Variants in RASSF5 observed in about 807,000 individuals in gnomAD.
RASSF5 encodes Ras association domain family member 5.
RASSF5 carries 25 observed loss-of-function variants against 40.5 expected under a neutral mutation model. The ratio of observed to expected loss-of-function variants is 0.62; its 90% CI spans 0.45 to 0.86. The LOEUF is 0.86. Among genes scored for constraint, RASSF5 ranks in the 40% least tolerant of loss-of-function variants. The probability of loss-of-function intolerance (pLI) is 0.00; values close to 1 mark genes in which losing one functional copy is unlikely to be tolerated. For missense variants in RASSF5, 521 were observed against 572.8 expected (o/e 0.91, Z 0.92); for synonymous variants, 246 against 252.4 (o/e 0.97, Z 0.24).
intron 2 of RASSF5, among the ~76,000 whole-genome samples, chr1:206,567,388 TG>T (rs1372604189): frequency 6.4e-4 from 97 of 152,260 alleles, no homozygotes; most frequent in African/African-American, 2.2e-3. Flanking sequence ...ATAAATCTTT[TG>T]TTTATTTTAC....
chr1:206,586,617 C>CCAA, intron 5 of RASSF5: 1 of 548,364 alleles, frequency 1.8e-6, no homozygotes, highest in Non-Finnish European at 3.3e-6. Context: ...AACTCTTGGT[C>CCAA]ATGAGATGCC....
At chr1:206,519,556 G>A (rs548545162) in intron 1 of RASSF5, among the ~76,000 whole-genome samples, 93 of 152,274 alleles carry the variant, frequency 6.1e-4, no homozygotes, top group Admixed American at 1.4e-3. Context: ...TCTGGAACCT[G>A]CTTCTCTTTA....
chr1:206,515,740 T>C (rs1156894874), intron 1 of RASSF5, among the ~76,000 whole-genome samples: 2 of 152,228 alleles, frequency 1.3e-5, no homozygotes. Context: ...TCATCTCTTA[T>C]TTGGGAACAG....
rs781980825 is a variant in RASSF5 at position 206,513,445 on chromosome 1, C to G, written c.457+5386C>G. Among the ~76,000 whole-genome samples, 4 of 152,230 alleles carry G rather than the reference C, an allele frequency of 2.6e-5. No homozygotes were observed. The highest frequency in any genetic ancestry group is 1.3e-4 in the Admixed American group (2 of 15,294). The stretch of plus-strand genomic sequence containing the variant: ...CCACCCCCAGCCCTTCTGAGGGAAC[C>G]ATGTTCCTGGGGCTCAGTCAGCACC... On this transcript the variant is annotated intron_variant, in intron 1 of 5. Transcript: ENST00000579436. The surrounding 1 kb of genome is among the most constrained non-coding windows in gnomAD (Gnocchi z 5.0).
intron 2 of RASSF5, among the ~76,000 whole-genome samples, chr1:206,548,673 A>T (rs900487788): frequency 1.3e-5 from 2 of 152,090 alleles, no homozygotes; most frequent in Admixed American, 1.3e-4. Flanking sequence ...GTGTTCATTG[A>T]GTTTGTTGGA....
rs116965106 is a variant in RASSF5, at chr1:206,564,319, G to A, written c.580-18950G>A. ...CCCAAGACATCCTTGTTCACACGCCGCTTAGTCCAGGCCATCCCTCACTCT... is the reference window on the plus strand; with the variant it reads ...CCCAAGACATCCTTGTTCACACGCCACTTAGTCCAGGCCATCCCTCACTCT... On this transcript the variant is annotated intron_variant, in intron 2 of 5. Transcript: ENST00000579436. Among the ~76,000 whole-genome samples, 6 of 152,124 alleles carry A rather than the reference G, an allele frequency of 3.9e-5. No homozygotes were observed. The East Asian group carries it at 5.8e-4, about 15-fold the overall frequency.
At chr1:206,511,149 G>A (rs1397486410) in intron 1 of RASSF5, among the ~76,000 whole-genome samples, 1 of 152,198 alleles carries the variant, frequency 6.6e-6, no homozygotes, top group East Asian at 1.9e-4. Flanking sequence ...ACTCCTAGTT[G>A]TGAGATAGAG....
At chr1:206,557,349 A>T in intron 2 of RASSF5, 1 of 1,307,474 alleles carries the variant, frequency 7.6e-7, no homozygotes, top group South Asian at 2.0e-5. Flanking sequence ...GCGCGGGGAC[A>T]GGAGCAGGTT....
rs1669045905 is a variant in RASSF5 at position 206,584,849 on chromosome 1, G to A, written c.988+165G>A. The A allele has an allele frequency of 2.8e-6, 2 of 727,002 alleles. No homozygotes were observed. Among genetic ancestry groups the A allele is most frequent in the Admixed American group, 2.8e-5 (1 of 35,412 alleles). 45.0% of individuals were successfully genotyped at this position (727,002 alleles called of 1,614,324 possible). On this transcript the variant is annotated intron_variant, in intron 4 of 5. Transcript: ENST00000579436. The surrounding 1 kb of genome is among the most constrained non-coding windows in gnomAD (Gnocchi z 4.9). Reference sequence around the variant, plus strand: ...AGATCTGTGGAATCCGGGCAGGGAGGCAAGAGCAGAGTCCCTGACTCTGCA... The same window carrying A: ...AGATCTGTGGAATCCGGGCAGGGAGACAAGAGCAGAGTCCCTGACTCTGCA...
chr1:206,508,884 T>C (rs1284405098), intron 1 of RASSF5, among the ~76,000 whole-genome samples: 2 of 152,144 alleles, frequency 1.3e-5, no homozygotes, highest in African/African-American at 4.8e-5. Context: ...CCCCAGTGTA[T>C]AGATTTTCTG....
At chr1:206,581,054 A>T (rs190501448) in intron 2 of RASSF5, 99 of 152,296 alleles carry the variant, frequency 6.5e-4, no homozygotes, top group African/African-American at 2.2e-3. Flanking sequence ...CTACATGGTG[A>T]ATTGAGAAGA....
chr1:206,555,002 C>T (rs1553401553), intron 2 of RASSF5, among the ~76,000 whole-genome samples: 1 of 152,188 alleles, frequency 6.6e-6, no homozygotes, highest in East Asian at 1.9e-4. Flanking sequence ...TGTGATGGAA[C>T]AAGTTACTTC....
chr1:206,550,512 A>G (rs1667809654), intron 2 of RASSF5, among the ~76,000 whole-genome samples: 1 of 152,176 alleles, frequency 6.6e-6, no homozygotes, highest in Non-Finnish European at 1.5e-5. Flanking sequence ...TTTTGCATTC[A>G]GAATGCTGGT....
chr1:206,538,927 G>A (rs960739255), intron 2 of RASSF5, among the ~76,000 whole-genome samples: 13 of 152,186 alleles, frequency 8.5e-5, no homozygotes, highest in African/African-American at 2.9e-4. Context: ...TAAATGCTAC[G>A]TCACAATTCT....
At position 206,585,208 on chromosome 1, in the gene RASSF5, C is replaced by T. The variant is rs782650404; in HGVS notation, c.1017C>T (p.Asp339=). 6.2e-7 allele frequency: 1 copy of T among 1,614,016 alleles called. No individual in the cohort carries two copies. Among genetic ancestry groups the T allele is most frequent in the African/African-American group, 1.3e-5 (1 of 74,910 alleles). The stretch of plus-strand genomic sequence containing the variant: ...TCTTCCAGAAACTCTCCATTGCTGA[C>T]CGCCCCCTCTACCTGCGCCTGCTTG... ...QVLFQKLSIA[D]RPLYLRLLAG... Residue 339 remains aspartate, a synonymous_variant, in exon 5 of 6, where the codon GAC becomes GAT. Transcript: ENST00000579436.
At chr1:206,575,072 C>T (rs1553404948) in intron 2 of RASSF5, among the ~76,000 whole-genome samples, 1 of 151,594 alleles carries the variant, frequency 6.6e-6, no homozygotes, top group African/African-American at 2.4e-5. Flanking sequence ...CATTATGTTG[C>T]CCAGGCTGGT....
chr1:206,563,910 TCAC>T (rs1668217287), intron 2 of RASSF5, among the ~76,000 whole-genome samples: 1 of 152,174 alleles, frequency 6.6e-6, no homozygotes, highest in Non-Finnish European at 1.5e-5. Flanking sequence ...GCTAGTCTCA[TCAC>T]CACAAGCTGA....
At chr1:206,537,508 A>G (rs1345331408) in intron 1 of RASSF5, among the ~76,000 whole-genome samples, 1 of 152,222 alleles carries the variant, frequency 6.6e-6, no homozygotes, top group Non-Finnish European at 1.5e-5. Flanking sequence ...GCTATTACCC[A>G]TACAGGCTGA....
Position 206,584,817 on chromosome 1 carries a change from G to A in RASSF5, c.988+133G>A, listed in dbSNP as rs1400651232. On this transcript the variant is annotated intron_variant, in intron 4 of 5. Transcript: ENST00000579436. The surrounding 1 kb of genome is among the most constrained non-coding windows in gnomAD (Gnocchi z 4.9). ...GCACCAGGGGTCCAGCTGCCCATGT[G>A]GTGTTCAGATCTGTGGAATCCGGGC... The A allele has an allele frequency of 3.2e-6, 3 of 940,810 alleles. No individual in the cohort carries two copies. The highest frequency in any genetic ancestry group is 4.6e-5 in the Admixed American group (2 of 43,286). The allele number at this position is 940,810 out of a possible 1,614,324, so 58.3% of individuals were successfully genotyped here.
Sources: allele counts gnomAD v4.1 joint callset (sites outside exome capture counted in the v4.1 genomes callset), GRCh38; gene constraint gnomAD v4.1.1; non-coding constraint Gnocchi (gnomAD v3.1); transcripts MANE v1.5; gene names NCBI Gene and HGNC (gene_info 2026-07-23, HGNC 2026-07-21).